Variants in CDH11 observed in about 807,000 individuals in gnomAD.
CDH11 encodes the protein cadherin 11, also known as cadherin-11.
Under a neutral mutation model 67.8 loss-of-function variants are expected in CDH11, and 11 were observed. The observed-to-expected ratio is 0.16, with a 90% CI of 0.10 to 0.27. The LOEUF (loss-of-function observed/expected upper bound fraction) is 0.27. CDH11 is among the 10% of genes least tolerant of loss of function. The probability of loss-of-function intolerance (pLI) is 1.00; values close to 1 mark genes in which losing one functional copy is unlikely to be tolerated. For synonymous variants in CDH11, 419 were observed against 400.0 expected, an observed-to-expected ratio of 1.05 and a Z score of -0.57; for missense variants, 847 against 1,031.2, an observed-to-expected ratio of 0.82 and a Z score of 2.45.
chr16:64,995,653 C>A (rs1470389479), intron 4 of CDH11, among the ~76,000 whole-genome samples: 3 of 151,984 alleles, frequency 2.0e-5, no homozygotes, highest in South Asian at 2.1e-4. Flanking sequence ...GAGAAAAAAA[C>A]CCAGGAAACA....
upstream of CDH11, among the ~76,000 whole-genome samples, chr16:65,123,095 G>A (rs919540130): frequency 4.6e-5 from 7 of 152,146 alleles, no homozygotes; most frequent in Admixed American, 1.3e-4. Flanking sequence ...GTCGCCGGGA[G>A]AAAGGGCTGG....
chr16:65,072,972 G>A lies in CDH11; in HGVS notation c.-297-19044C>T, dbSNP rs2074443623. Reference sequence around the variant, plus strand: ...AGCACAGAGCAAGCTCTTAATAAAGGCTACCTACCTTGATCATTATCATCA... The same window carrying A: ...AGCACAGAGCAAGCTCTTAATAAAGACTACCTACCTTGATCATTATCATCA... On this transcript the variant is annotated intron_variant, in intron 1 of 12. Coordinates refer to ENST00000268603, the MANE Select transcript of CDH11 (RefSeq NM_001797.4). 2.0e-5 allele frequency among the ~76,000 whole-genome samples: 3 copies of A among 152,144 alleles called. No homozygotes were observed. In the South Asian group the frequency reaches 6.2e-4, roughly 32 times the overall value.
chr16:65,059,621 C>G (rs932783786), intron 1 of CDH11: 2 of 152,144 alleles, frequency 1.3e-5, no homozygotes, highest in African/African-American at 4.8e-5. Flanking sequence ...AGCCGGGGAG[C>G]AGGATCTCAC....
intron 11 of CDH11, among the ~76,000 whole-genome samples, chr16:64,967,015 A>C (rs778287154): frequency 2.6e-5 from 4 of 152,220 alleles, no homozygotes; most frequent in Non-Finnish European, 5.9e-5. Context: ...AAATGATGAA[A>C]GTAACTGGAA....
At chr16:65,026,650 G>A (rs1408103581) in intron 2 of CDH11, among the ~76,000 whole-genome samples, 1 of 152,078 alleles carries the variant, frequency 6.6e-6, no homozygotes, top group East Asian at 1.9e-4. Context: ...CTCCCTAAGG[G>A]TCTTCCAATT....
intron 2 of CDH11, among the ~76,000 whole-genome samples, chr16:65,028,251 C>T (rs1212320853): frequency 6.6e-6 from 1 of 152,154 alleles, no homozygotes; most frequent in East Asian, 1.9e-4. Flanking sequence ...TGAAGTTCCA[C>T]CTAAGGCACA....
chr16:65,070,635 T>G (rs184807209), intron 1 of CDH11, among the ~76,000 whole-genome samples: 43 of 152,358 alleles, frequency 2.8e-4, no homozygotes, highest in African/African-American at 1.0e-3. Context: ...AATATTATTA[T>G]GCATTGGAAA....
intron 11 of CDH11, among the ~76,000 whole-genome samples, chr16:64,969,796 T>C (rs2071950931): frequency 6.6e-6 from 1 of 152,208 alleles, no homozygotes; most frequent in African/African-American, 2.4e-5. Context: ...TTTTTAAATG[T>C]TCACTATGTG....
intron 1 of CDH11, among the ~76,000 whole-genome samples, chr16:65,072,818 G>A (rs994188832): frequency 3.3e-5 from 5 of 152,192 alleles, no homozygotes; most frequent in Admixed American, 6.5e-5. Context: ...TCACTAGCTG[G>A]ATAGCCTTAA....
chr16:64,970,453 G>A (rs760904859), intron 11 of CDH11, among the ~76,000 whole-genome samples: 2 of 152,106 alleles, frequency 1.3e-5, no homozygotes, highest in Middle Eastern at 3.2e-3. Context: ...GATTTGAGAC[G>A]AGTTATTTAA....
intron 8 of CDH11, among the ~76,000 whole-genome samples, chr16:64,978,134 G>A (rs1160745366): frequency 6.6e-6 from 1 of 152,194 alleles, no homozygotes; most frequent in Non-Finnish European, 1.5e-5. Flanking sequence ...TCAAATAAAT[G>A]TGTGAATAAG....
intron 2 of CDH11, among the ~76,000 whole-genome samples, chr16:65,040,228 A>G (rs1373324240): frequency 6.6e-6 from 1 of 152,140 alleles, no homozygotes; most frequent in Non-Finnish European, 1.5e-5. Context: ...GGATTATAAA[A>G]CATGCTTCTA....
chr16:65,111,815 T>TAATC (rs1312418269), intron 1 of CDH11, among the ~76,000 whole-genome samples: 1 of 151,964 alleles, frequency 6.6e-6, no homozygotes, highest in Non-Finnish European at 1.5e-5. Context: ...TTCACGCCTG[T>TAATC]AATCTCAGCA....
At chr16:65,064,668 A>G (rs1458239649) in intron 1 of CDH11, among the ~76,000 whole-genome samples, 3 of 152,228 alleles carry the variant, frequency 2.0e-5, no homozygotes, top group Non-Finnish European at 2.9e-5. Flanking sequence ...AGGCTCAGAG[A>G]GGATTCAATT....
At chr16:65,064,625 C>T (rs2074284742) in intron 1 of CDH11, among the ~76,000 whole-genome samples, 1 of 152,290 alleles carries the variant, frequency 6.6e-6, no homozygotes, top group African/African-American at 2.4e-5. Context: ...GATTCCTAAA[C>T]AAACCTTTTT....
rs539745339 is a variant in CDH11, at chr16:64,970,014, A to C, written c.1642+1565T>G. ...AAATCCTAGTGTAAATACAAACTTA[A>C]AGAGTGTTAAGTAACGTTTTGTTTT... On this transcript the variant is annotated intron_variant, in intron 11 of 12. Transcript: ENST00000268603. Among the ~76,000 whole-genome samples the C allele has an allele frequency of 7.2e-5, 11 of 152,302 alleles. No individual in the cohort carries two copies. The South Asian group carries it at 1.9e-3, about 26-fold the overall frequency.
At chr16:65,078,604 C>A (rs2074556827) in intron 1 of CDH11, among the ~76,000 whole-genome samples, 1 of 152,106 alleles carries the variant, frequency 6.6e-6, no homozygotes, top group Non-Finnish European at 1.5e-5. Flanking sequence ...CAGTGTAACC[C>A]ATCTCAAAAT....
Position 64,947,476 on chromosome 16 carries a change from C to A in CDH11, c.*127G>T, listed in dbSNP as rs964389011. The stretch of plus-strand genomic sequence containing the variant: ...TCCTCGCAGTTTTATTAAATGTATC[C>A]TCTCTGTAAAACTTTGCCTGTTTTA... On this transcript the variant is annotated 3_prime_UTR_variant, in exon 13 of 13. Coordinates refer to ENST00000268603, the MANE Select transcript of CDH11 (RefSeq NM_001797.4). 2.0e-4 allele frequency: 298 copies of A among 1,491,034 alleles called. No individual in the cohort carries two copies. The highest frequency in any genetic ancestry group is 1.7e-4 in the Non-Finnish European group (196 of 1,122,242). 92.4% of individuals were successfully genotyped at this position (1,491,034 alleles called of 1,614,324 possible).
At chr16:64,987,709 A>G in intron 7 of CDH11, 1 of 153,012 alleles carries the variant, frequency 6.5e-6, no homozygotes, top group Non-Finnish European at 1.5e-5. Context: ...ACAAGTAGAG[A>G]AGGCTTCAGT....
Sources: gnomAD v4.1 joint callset for allele counts (sites outside exome capture counted in the v4.1 genomes callset) on GRCh38, gnomAD v4.1.1 for gene constraint, MANE v1.5 for transcripts, NCBI Gene and HGNC (gene_info 2026-07-23, HGNC 2026-07-21) for gene names.